Variants in PCDHA7 observed in about 807,000 individuals in gnomAD.
PCDHA7 encodes the protein protocadherin alpha-7.
A neutral mutation model predicts 57.2 loss-of-function variants in PCDHA7; 37 were observed. The ratio of observed to expected loss-of-function variants is 0.65; its 90% CI spans 0.50 to 0.85. The LOEUF (loss-of-function observed/expected upper bound fraction) is 0.85. Ranked by LOEUF, PCDHA7 falls within the 40% of genes least tolerant of loss-of-function variation. PCDHA7 has a pLI of 0.00. For synonymous variants in PCDHA7, 553 were observed against 558.8 expected (o/e 0.99, Z 0.15); for missense variants, 1,188 against 1,241.8 (o/e 0.96, Z 0.65).
At chr5:140,843,743 A>C (rs2150365956) in intron 1 of PCDHA7, 2 of 1,536,300 alleles carry the variant, frequency 1.3e-6, no homozygotes, top group Admixed American at 3.6e-5. Context: ...TAGAACTCAT[A>C]AATTCTATTT....
intron 3 of PCDHA7, among the ~76,000 whole-genome samples, chr5:140,994,308 C>T (rs1402344988): frequency 6.6e-6 from 1 of 152,086 alleles, no homozygotes; most frequent in African/African-American, 2.4e-5. Flanking sequence ...TTTCACAGGG[C>T]CCAAACACTC....
intron 1 of PCDHA7, among the ~76,000 whole-genome samples, chr5:140,888,663 T>C (rs1278510364): frequency 6.6e-6 from 1 of 152,194 alleles, no homozygotes; most frequent in Non-Finnish European, 1.5e-5. Context: ...CACCACCTAA[T>C]GCCCTGTGCA....
chr5:140,927,870 G>A (rs1302526715), intron 1 of PCDHA7: 1 of 1,614,100 alleles, frequency 6.2e-7, no homozygotes. Context: ...CCGCTAAACT[G>A]CTGGTGGAGG....
intron 1 of PCDHA7, chr5:140,869,765 A>C (rs376277801): frequency 1.9e-6 from 3 of 1,613,164 alleles, no homozygotes; most frequent in African/African-American, 2.7e-5. Flanking sequence ...GGAAAACCAG[A>C]GCTTACTGGC....
intron 1 of PCDHA7, among the ~76,000 whole-genome samples, chr5:140,839,319 G>A (rs1776149332): frequency 6.6e-6 from 1 of 151,778 alleles, no homozygotes; most frequent in Admixed American, 6.6e-5. Context: ...ATTTATATTG[G>A]GAAATACCTG....
At chr5:140,870,164 T>A in intron 1 of PCDHA7, 1 of 1,614,174 alleles carries the variant, frequency 6.2e-7, no homozygotes, top group African/African-American at 1.3e-5. Context: ...GTGACTTCCT[T>A]GTCCCTCCCA....
intron 1 of PCDHA7, among the ~76,000 whole-genome samples, chr5:140,955,465 T>C (rs2095187437): frequency 6.6e-6 from 1 of 152,128 alleles, no homozygotes; most frequent in Non-Finnish European, 1.5e-5. Flanking sequence ...TTTTCCTTTT[T>C]GCTTGGCACC....
In PCDHA7 at chr5:140,835,778, G is replaced by A; in HGVS notation, c.1395G>A (p.Lys465=). The A allele has an allele frequency of 6.2e-7, 1 of 1,613,340 alleles. No individual in the cohort carries two copies. Among genetic ancestry groups the A allele is most frequent in the Non-Finnish European group, 8.5e-7 (1 of 1,179,780 alleles). ...AGCCCGAGTATACGGTGTTCGTGAA[G>A]GAGAACAACCCGCCGGGCTGCCACA... ...FAQPEYTVFV[K]ENNPPGCHIF... is the part of the protein sequence containing the mutation. The change falls in exon 1 of 4, where the codon AAG becomes AAA. Residue 465 remains lysine (K), a synonymous_variant. Coordinates refer to ENST00000525929, the MANE Select transcript of PCDHA7 (RefSeq NM_018910.3).
intron 1 of PCDHA7, among the ~76,000 whole-genome samples, chr5:140,904,545 C>A (rs2071206893): frequency 6.6e-6 from 1 of 151,876 alleles, no homozygotes; most frequent in Admixed American, 6.6e-5. Context: ...GTATCTTTTT[C>A]ATATAATGAC....
chr5:140,869,274 G>A, intron 1 of PCDHA7: 1 of 1,613,594 alleles, frequency 6.2e-7, no homozygotes. Context: ...TGGAGCTGGC[G>A]GAGCTGGTGC....
intron 1 of PCDHA7, among the ~76,000 whole-genome samples, chr5:140,977,050 G>A (rs546385020): frequency 6.6e-6 from 1 of 152,162 alleles, no homozygotes; most frequent in Non-Finnish European, 1.5e-5. Context: ...TGTTGCTGAT[G>A]GACTAGTATA....
intron 1 of PCDHA7, among the ~76,000 whole-genome samples, chr5:140,950,924 T>C (rs1316182193): frequency 2.6e-5 from 4 of 152,104 alleles, no homozygotes; most frequent in Non-Finnish European, 5.9e-5. Flanking sequence ...TTCAGTTCTT[T>C]TTCTTTTCTT....
intron 1 of PCDHA7, among the ~76,000 whole-genome samples, chr5:140,947,834 A>G (rs2094182215): frequency 6.6e-6 from 1 of 151,584 alleles, no homozygotes; most frequent in Non-Finnish European, 1.5e-5. Flanking sequence ...CAATATTAAT[A>G]TTTGTTTATT....
intron 1 of PCDHA7, chr5:140,862,649 C>A: frequency 3.7e-6 from 2 of 543,104 alleles, no homozygotes; most frequent in South Asian, 1.4e-5. Context: ...ACAGTGTCCG[C>A]GCGGGACCGG....
At chr5:140,876,999 G>T (rs368334312) in intron 1 of PCDHA7, 2 of 1,612,546 alleles carry the variant, frequency 1.2e-6, no homozygotes, top group Non-Finnish European at 1.7e-6. Flanking sequence ...GCTACGTGTC[G>T]GTGCACGCGG....
intron 1 of PCDHA7, among the ~76,000 whole-genome samples, chr5:140,950,490 C>A (rs2153689793): frequency 6.6e-6 from 1 of 152,114 alleles, no homozygotes; most frequent in South Asian, 2.1e-4. Context: ...AGTGTGTAGT[C>A]ATTTAAGTCA....
rs1422050863 is a variant in PCDHA7 at position 140,908,165 on chromosome 5, G to A, written c.2356-70784G>A. ...GTATGTCCTAGGAAGGGGCTGTAGT[G>A]CTGCAGCTGTCCACTTTCAGGTGGT... On this transcript the variant is annotated intron_variant, in intron 1 of 3. Coordinates refer to ENST00000525929, the MANE Select transcript of PCDHA7 (RefSeq NM_018910.3). 2.6e-5 allele frequency among the ~76,000 whole-genome samples: 4 copies of A among 152,222 alleles called. 1 individual carries two copies. The highest frequency in any genetic ancestry group is 5.9e-5 in the Non-Finnish European group (4 of 68,046).
intron 1 of PCDHA7, chr5:140,850,180 C>G: frequency 6.3e-7 from 1 of 1,593,798 alleles, no homozygotes; most frequent in African/African-American, 1.3e-5. Flanking sequence ...AACGACAATG[C>G]GCCGGCGCTG....
chr5:140,857,377 G>A (rs1347476888), intron 1 of PCDHA7: 1 of 1,598,358 alleles, frequency 6.3e-7, no homozygotes, highest in African/African-American at 1.3e-5. Context: ...TGTCTGTGGA[G>A]GTGGCCGACG....
Sources: gnomAD v4.1 joint callset for allele counts (sites outside exome capture counted in the v4.1 genomes callset) on GRCh38, gnomAD v4.1.1 for gene constraint, MANE v1.5 for transcripts, NCBI Gene and HGNC (gene_info 2026-07-23, HGNC 2026-07-21) for gene names.